Variants in TMEM232 observed in about 807,000 individuals in gnomAD.
TMEM232 encodes the protein transmembrane protein 232.
Under a neutral mutation model 78.8 loss-of-function variants are expected in TMEM232, and 80 were observed. That is an observed-to-expected ratio of 1.01 (90% CI 0.85 to 1.22). TMEM232 has a LOEUF of 1.22. TMEM232 is among the 50% of genes most tolerant of loss of function. The probability of loss-of-function intolerance (pLI) is 0.00; values close to 1 mark genes in which losing one functional copy is unlikely to be tolerated. For missense variants in TMEM232, 881 were observed against 742.2 expected (o/e 1.19, Z -2.17); for synonymous variants, 297 against 254.3 (o/e 1.17, Z -1.60).
At chr5:110,529,563 T>C (rs772069967) in intron 11 of TMEM232, among the ~76,000 whole-genome samples, 5 of 152,110 alleles carry the variant, frequency 3.3e-5, no homozygotes, top group African/African-American at 4.8e-5. Context: ...AACATTTTTA[T>C]AGAGCAAAAA....
At chr5:110,531,769 A>C (rs937165746) in intron 11 of TMEM232, among the ~76,000 whole-genome samples, 1 of 152,150 alleles carries the variant, frequency 6.6e-6, no homozygotes, top group Non-Finnish European at 1.5e-5. Flanking sequence ...TCAAATATAA[A>C]AACCCAGCCC....
chr5:110,710,344 C>G (rs973504704), intron 1 of TMEM232, among the ~76,000 whole-genome samples: 2 of 152,022 alleles, frequency 1.3e-5, no homozygotes, highest in African/African-American at 4.8e-5. Context: ...CCACTGTACT[C>G]AAACTATTCC....
At chr5:110,693,710 G>A (rs1468261400) in intron 1 of TMEM232, among the ~76,000 whole-genome samples, 1 of 152,146 alleles carries the variant, frequency 6.6e-6, no homozygotes, top group Non-Finnish European at 1.5e-5. Context: ...ATCAATGATG[G>A]AAGATGAAAT....
At chr5:110,702,568 T>C (rs1226369852) in intron 1 of TMEM232, among the ~76,000 whole-genome samples, 1 of 152,088 alleles carries the variant, frequency 6.6e-6, no homozygotes, top group Non-Finnish European at 1.5e-5. Flanking sequence ...TGTAATACTC[T>C]TCATTGCCTC....
chr5:110,630,929 G>C (rs1457577240), intron 5 of TMEM232, among the ~76,000 whole-genome samples: 1 of 152,078 alleles, frequency 6.6e-6, no homozygotes, highest in East Asian at 1.9e-4. Flanking sequence ...GTGAGCTAGA[G>C]ACCCCTGAAG....
chr5:110,550,244 T>C (rs1197743697), intron 11 of TMEM232, among the ~76,000 whole-genome samples: 1 of 152,190 alleles, frequency 6.6e-6, no homozygotes, highest in Non-Finnish European at 1.5e-5. Context: ...GGTAAAATTC[T>C]ATATCAATTC....
intron 5 of TMEM232, among the ~76,000 whole-genome samples, chr5:110,637,607 A>T (rs1056731083): frequency 3.3e-5 from 5 of 151,928 alleles, no homozygotes; most frequent in Admixed American, 6.6e-5. Context: ...ATCTTAAAAA[A>T]TACTTTTAGC....
At chr5:110,436,667 C>A (rs1758470981) in intron 12 of TMEM232, among the ~76,000 whole-genome samples, 1 of 152,042 alleles carries the variant, frequency 6.6e-6, no homozygotes. Context: ...TTTCATTCTT[C>A]TGTATATGGA....
At chr5:110,686,717 C>T (rs990024012) in intron 1 of TMEM232, among the ~76,000 whole-genome samples, 7 of 151,880 alleles carry the variant, frequency 4.6e-5, no homozygotes, top group African/African-American at 1.7e-4. Context: ...TTAGGTTTAG[C>T]GACATATAAC....
At chr5:110,651,171 G>T (rs1009168137) in intron 2 of TMEM232, among the ~76,000 whole-genome samples, 11 of 152,172 alleles carry the variant, frequency 7.2e-5, no homozygotes, top group African/African-American at 2.6e-4. Flanking sequence ...TGTCTCATGG[G>T]TCTTATACTC....
At chr5:110,621,154 T>C (rs953624893) in intron 7 of TMEM232, among the ~76,000 whole-genome samples, 2 of 151,994 alleles carry the variant, frequency 1.3e-5, no homozygotes, top group South Asian at 2.1e-4. Context: ...TGAGCCACCA[T>C]GCCCGGCCCA....
At chr5:110,631,005 C>T (rs915346295) in intron 5 of TMEM232, among the ~76,000 whole-genome samples, 3 of 152,048 alleles carry the variant, frequency 2.0e-5, no homozygotes, top group Non-Finnish European at 4.4e-5. Context: ...GCAACTACAG[C>T]AGTGTACCAT....
chr5:110,567,143 G>A (rs1354902802), intron 11 of TMEM232, among the ~76,000 whole-genome samples: 1 of 151,816 alleles, frequency 6.6e-6, no homozygotes, highest in African/African-American at 2.4e-5. Context: ...AACACGTGGG[G>A]TTGATGGGAA....
intron 12 of TMEM232, among the ~76,000 whole-genome samples, chr5:110,457,069 TAA>T (rs1193318807): frequency 6.6e-6 from 1 of 152,108 alleles, no homozygotes. Context: ...AATATAATGC[TAA>T]GAGACTATAA....
intron 12 of TMEM232, among the ~76,000 whole-genome samples, chr5:110,504,500 A>T (rs1432120457): frequency 4.6e-5 from 7 of 152,200 alleles, no homozygotes; most frequent in Non-Finnish European, 7.3e-5. Flanking sequence ...AGAGAGAGGA[A>T]TTGACTCATG....
chr5:110,584,408 A>T (rs1382186921), intron 10 of TMEM232, among the ~76,000 whole-genome samples: 1 of 152,118 alleles, frequency 6.6e-6, no homozygotes, highest in Non-Finnish European at 1.5e-5. Flanking sequence ...ACAGAAGGGT[A>T]ACTACTACAT....
At chr5:110,680,530 G>T (rs76804650) in intron 1 of TMEM232, among the ~76,000 whole-genome samples, 1 of 151,540 alleles carries the variant, frequency 6.6e-6, no homozygotes, top group South Asian at 2.1e-4. Flanking sequence ...CTTTTTCTTG[G>T]TCTTCTTTTA....
intron 1 of TMEM232, among the ~76,000 whole-genome samples, chr5:110,685,437 T>A (rs1398407962): frequency 6.6e-6 from 1 of 152,026 alleles, no homozygotes; most frequent in Non-Finnish European, 1.5e-5. Flanking sequence ...TTGGAAAAAT[T>A]CAAATTAAAA....
intron 3 of TMEM232, among the ~76,000 whole-genome samples, chr5:110,397,338 A>T (rs1323514742): frequency 6.6e-6 from 1 of 152,170 alleles, no homozygotes; most frequent in Admixed American, 6.6e-5. Flanking sequence ...AAATACCCCA[A>T]ACTAATAACT....
Sources: allele counts gnomAD v4.1 joint callset (sites outside exome capture counted in the v4.1 genomes callset), GRCh38; gene constraint gnomAD v4.1.1; transcripts MANE v1.5; gene names NCBI Gene and HGNC (gene_info 2026-07-23, HGNC 2026-07-21).